The following THBS2 variants were observed in gnomAD, a reference collection of about 807,000 sequenced individuals.
The protein encoded by THBS2 is thrombospondin-2.
Under a neutral mutation model 135.2 loss-of-function variants are expected in THBS2, and 47 were observed. The observed-to-expected ratio is 0.35, with a 90% confidence interval of 0.28 to 0.44. The LOEUF is 0.44. Ranked by LOEUF, THBS2 falls within the 20% of genes least tolerant of loss-of-function variation. THBS2 has a pLI of 1.00. For synonymous variants in THBS2, 639 were observed against 633.8 expected, an observed-to-expected ratio of 1.01 and a Z score of -0.12; for missense variants, 1,288 against 1,603.1, an observed-to-expected ratio of 0.80 and a Z score of 3.36.
rs749754730 is a variant in THBS2, at chr6:169,229,570, A to T, written c.2259+2T>A. ...CAGGTGCGCGGCACAAGCTGCTCCT[A>T]CCTTCTCATCGGTCACACCGTCATT... is the stretch of plus-strand genomic sequence containing the variant. On this transcript the variant is annotated splice_donor_variant, in intron 14 of 21. Transcript: ENST00000617924. LOFTEE classifies it high-confidence loss of function. 1 of 1,613,502 alleles carries T rather than the reference A, an allele frequency of 6.2e-7. No homozygotes were observed. Among genetic ancestry groups the T allele is most frequent in the Non-Finnish European group, 8.5e-7 (1 of 1,179,490 alleles).
intron 9 of THBS2, among the ~76,000 whole-genome samples, chr6:169,235,222 A>T (rs1046583588): frequency 2.6e-5 from 4 of 151,868 alleles, no homozygotes; most frequent in Admixed American, 6.5e-5. Flanking sequence ...GGGTCTCGCT[A>T]TGTTGCCCAG....
At chr6:169,230,967 G>C (rs564686828) in intron 13 of THBS2, among the ~76,000 whole-genome samples, 3 of 152,264 alleles carry the variant, frequency 2.0e-5, no homozygotes, top group African/African-American at 7.2e-5. Context: ...ATGATATTTT[G>C]TGTCAGTTTG....
chr6:169,218,767 G>A (rs1323251712), intron 21 of THBS2, among the ~76,000 whole-genome samples: 15 of 146,350 alleles, frequency 1.0e-4, no homozygotes, highest in African/African-American at 3.6e-4. Context: ...ATGGGTGGGT[G>A]GGTGGATGGA....
intron 3 of THBS2, among the ~76,000 whole-genome samples, chr6:169,247,008 C>A (rs1295091009): frequency 3.9e-5 from 6 of 152,164 alleles, no homozygotes; most frequent in Non-Finnish European, 8.8e-5. Flanking sequence ...AGCCCTTTCC[C>A]TTGGAAAAGG....
intron 4 of THBS2, 81 bp downstream of exon 4, chr6:169,246,116 T>C (rs1780546072): frequency 5.2e-6 from 6 of 1,148,586 alleles, no homozygotes; most frequent in South Asian, 4.1e-5. Flanking sequence ...TGCACACACA[T>C]ACACACACAC....
intron 15 of THBS2, among the ~76,000 whole-genome samples, chr6:169,227,077 A>G (rs1321450147): frequency 6.6e-6 from 1 of 152,204 alleles, no homozygotes; most frequent in East Asian, 1.9e-4. Context: ...CCACATTCCC[A>G]GAGAACGAGA....
intron 19 of THBS2, 79 bp from the exon 20 acceptor site, chr6:169,221,606 CA>C: frequency 1.6e-6 from 2 of 1,288,286 alleles, no homozygotes; most frequent in South Asian, 1.2e-5. Flanking sequence ...AAGCAGGAAG[CA>C]AAAACATGAC....
Position 169,223,865 on chromosome 6 carries a change from G to A in THBS2, c.2774-390C>T, listed in dbSNP as rs546452438. On this transcript the variant is annotated intron_variant, in intron 17 of 21. Transcript: ENST00000617924. ...TGAATGTCTGTTATTACTTTTCTTA[G>A]TCATCCTTGCCTTTTATAGTCTATT... Among the ~76,000 whole-genome samples the A allele has an allele frequency of 2.0e-5, 3 of 152,264 alleles. No homozygotes were observed. In the East Asian group the frequency reaches 5.8e-4, roughly 29 times the overall value.
At chr6:169,231,101 C>G (rs1303841062) in intron 13 of THBS2, among the ~76,000 whole-genome samples, 1 of 152,082 alleles carries the variant, frequency 6.6e-6, no homozygotes, top group Non-Finnish European at 1.5e-5. Flanking sequence ...TCTTGGCGCC[C>G]GGGGATGTCA....
Position 169,252,871 on chromosome 6 carries a change from CAATCAAAGT to C in THBS2, c.-23+844_-23+852del, listed in dbSNP as rs913044993. ...TCTTTTAAAACTCTTTTCGTATGAA[CAATCAAAGT>C]AAAAGATAGCTTTGCAGAGAGCTAA... On this transcript the variant is annotated intron_variant, in intron 1 of 21. Coordinates refer to ENST00000617924, the MANE Select transcript of THBS2 (RefSeq NM_003247.5). The surrounding 1 kb of genome is among the most constrained non-coding windows in gnomAD (Gnocchi z 4.3). Among the ~76,000 whole-genome samples the C allele has an allele frequency of 8.5e-5, 13 of 152,330 alleles. No individual in the cohort carries two copies. The highest frequency in any genetic ancestry group is 3.1e-4 in the African/African-American group (13 of 41,582).
At position 169,222,356 on chromosome 6, in the gene THBS2, A is replaced by G. The variant is rs752937988; in HGVS notation, c.3114T>C (p.Tyr1038=). 3 of 1,613,646 alleles carry G rather than the reference A, an allele frequency of 1.9e-6. No individual in the cohort carries two copies. Among genetic ancestry groups the G allele is most frequent in the Admixed American group, 1.7e-5 (1 of 60,000 alleles). The change falls in exon 19 of 22, where the codon TAT becomes TAC. Residue 1038 remains tyrosine (Y), a synonymous_variant. Transcript: ENST00000617924. The part of the protein sequence containing the change: ...VFGYQSSSRF[Y]VVMWKQVTQT... ...GCGTCACCTGCTTCCACATCACCAC[A>G]TAGAAGCGGCTGCTTGACTGGTAAC... is the stretch of plus-strand genomic sequence containing the variant.
At chr6:169,218,504 GGATGGATGGATGA>G (rs1404670339) in intron 21 of THBS2, among the ~76,000 whole-genome samples, 1 of 147,142 alleles carries the variant, frequency 6.8e-6, no homozygotes, top group Non-Finnish European at 1.5e-5. Context: ...ATGGGTGGAT[GGATGGATGGATGA>G]GATGGATGGG....
Position 169,240,429 on chromosome 6 carries a change from A to G in THBS2, c.1032+23T>C, listed in dbSNP as rs73790698. On this transcript the variant is annotated intron_variant, in intron 6 of 21. Transcript: ENST00000617924. ...TGTCCGATGGTGGCCTCTTCCCCCAAGAGCCGTGTTCTGGGGCCTCACCTT... is the reference window on the plus strand; with the variant it reads ...TGTCCGATGGTGGCCTCTTCCCCCAGGAGCCGTGTTCTGGGGCCTCACCTT... The G allele has an allele frequency of 4.4e-3, 7,163 of 1,610,378 alleles. 275 individuals are homozygous for G. The African/African-American group carries it at 0.084, about 19-fold the overall frequency.
intron 9 of THBS2, 118 bp downstream of exon 9, chr6:169,237,052 G>GGGGCT (rs1780122182): frequency 1.4e-5 from 17 of 1,198,322 alleles, no homozygotes; most frequent in Non-Finnish European, 1.8e-5. Flanking sequence ...CTGCTCGGCT[G>GGGGCT]GGGCTGGGCT....
At chr6:169,246,490 GA>G (rs1425550845) in intron 3 of THBS2, among the ~76,000 whole-genome samples, 3 of 152,196 alleles carry the variant, frequency 2.0e-5, no homozygotes, top group Non-Finnish European at 4.4e-5. Flanking sequence ...ACAAGAAATG[GA>G]AGTGTAATGT....
intron 10 of THBS2, among the ~76,000 whole-genome samples, chr6:169,234,081 C>T (rs917991372): frequency 2.0e-5 from 3 of 150,892 alleles, no homozygotes; most frequent in Non-Finnish European, 3.0e-5. Flanking sequence ...TGTTCCACAC[C>T]GCACAACTAC....
chr6:169,247,669 G>A (rs536759185), intron 3 of THBS2, among the ~76,000 whole-genome samples: 1 of 151,942 alleles, frequency 6.6e-6, no homozygotes, highest in East Asian at 1.9e-4. Context: ...TGTGGGTGGT[G>A]TGTGCACACC....
chr6:169,249,202 G>A (rs1780674352), intron 2 of THBS2, among the ~76,000 whole-genome samples: 1 of 152,218 alleles, frequency 6.6e-6, no homozygotes, highest in Non-Finnish European at 1.5e-5. Context: ...GCAGCTGCGG[G>A]TCTGTGGGGT....
chr6:169,248,739 G>T lies in THBS2; in HGVS notation c.287C>A (p.Ser96Tyr). ...CTCCAGAGCCAACAGCGTGCCCCTGGACTTGCCGTCCTGCTTGAGCTGGGC... is the reference window on the plus strand; with the variant it reads ...CTCCAGAGCCAACAGCGTGCCCCTGTACTTGCCGTCCTGCTTGAGCTGGGC... ...LTAQLKQDGK[S>Y]RGTLLALEGP... is the part of the protein sequence containing the mutation. Residue 96 changes from serine to tyrosine, a missense_variant, in exon 3 of 22, where the codon TCC becomes TAC. By Grantham distance (144) the Ser-to-Tyr change is moderately radical. Around this residue, in one of 2 missense-constraint regions of THBS2, gnomAD observed 414 missense variants for 447.0 expected, o/e 0.93. Coordinates refer to ENST00000617924, the MANE Select transcript of THBS2 (RefSeq NM_003247.5). The T allele has an allele frequency of 6.2e-7, 1 of 1,613,614 alleles. No homozygotes were observed. Among genetic ancestry groups the T allele is most frequent in the Non-Finnish European group, 8.5e-7 (1 of 1,180,004 alleles).
Sources: gnomAD v4.1 joint callset for allele counts (sites outside exome capture counted in the v4.1 genomes callset) on GRCh38, gnomAD v4.1.1 for gene constraint, gnomAD v4.1.1 regional missense constraint, Gnocchi (gnomAD v3.1) non-coding constraint, MANE v1.5 for transcripts, NCBI Gene and HGNC (gene_info 2026-07-23, HGNC 2026-07-21) for gene names.